ADAMTS13: variants seen among roughly 807,000 people sequenced by gnomAD.
ADAMTS13 encodes the protein A disintegrin and metalloproteinase with thrombospondin motifs 13.
A neutral mutation model predicts 155.1 loss-of-function variants in ADAMTS13; 110 were observed. The ratio of observed to expected loss-of-function variants is 0.71; its 90% CI spans 0.61 to 0.83. The LOEUF is 0.83. Ranked by LOEUF, ADAMTS13 falls within the 40% of genes least tolerant of loss-of-function variation. The probability of loss-of-function intolerance (pLI) is 0.00; values close to 1 mark genes in which losing one functional copy is unlikely to be tolerated. For synonymous variants in ADAMTS13, 758 were observed against 756.4 expected (o/e 1.00, Z -0.03); for missense variants, 1,707 against 1,891.7 (o/e 0.90, Z 1.81).
upstream of ADAMTS13, among the ~76,000 whole-genome samples, chr9:133,421,453 T>TA (rs587610698): frequency 7.2e-5 from 11 of 152,318 alleles, no homozygotes; most frequent in South Asian, 2.1e-3. Context: ...CCATAACACT[T>TA]ACCACCTTTG....
At chr9:133,428,053 C>T (rs1308347882) in intron 6 of ADAMTS13, among the ~76,000 whole-genome samples, 1 of 152,142 alleles carries the variant, frequency 6.6e-6, no homozygotes, top group Admixed American at 6.5e-5. Flanking sequence ...GTGGAGTCCA[C>T]CTCCTACCTC....
rs1554796661 is a variant in ADAMTS13, at chr9:133,458,052, C to T, written c.3867C>T (p.Asn1289=). 2.5e-6 allele frequency: 4 copies of T among 1,613,496 alleles called. No homozygotes were observed. Among genetic ancestry groups the T allele is most frequent in the Non-Finnish European group, 3.4e-6 (4 of 1,180,036 alleles). The change falls in exon 28 of 29, where the codon AAC becomes AAT. Residue 1289 remains asparagine, a synonymous_variant. Coordinates refer to ENST00000355699, the MANE Select transcript of ADAMTS13 (RefSeq NM_139027.6). ...TTGCCATCCATGCCCTGGCCACCAA[C>T]ATGGGCGCTGGGACCGAGGGAGCCA... ...ARIAIHALAT[N]MGAGTEGANA...
chr9:133,453,394 C>T (rs587755092), intron 23 of ADAMTS13, among the ~76,000 whole-genome samples: 5 of 152,264 alleles, frequency 3.3e-5, no homozygotes, highest in African/African-American at 1.2e-4. Context: ...TGAGATTGTG[C>T]TACTGCACTC....
chr9:133,444,168 C>G (rs965100550), intron 19 of ADAMTS13, among the ~76,000 whole-genome samples: 1 of 152,128 alleles, frequency 6.6e-6, no homozygotes, highest in Non-Finnish European at 1.5e-5. Flanking sequence ...CCTTCTCACA[C>G]AGCTCTCCAG....
intron 7 of ADAMTS13, 48 bp from the exon 8 acceptor site, chr9:133,429,891 G>C (rs1554786617): frequency 2.0e-6 from 3 of 1,533,676 alleles, no homozygotes; most frequent in Non-Finnish European, 2.6e-6. Context: ...GCCTCCTCCC[G>C]GTGTACACCC....
Position 133,428,634 on chromosome 9 carries a change from C to T in ADAMTS13, c.687C>T (p.Ser229=), listed in dbSNP as rs1554785856. Reference sequence around the variant, plus strand: ...GCGCAACTCCCCGCCCCCCGACCAGCTTCGGCCTGGAGCACGACGGCGCGC... The same window carrying T: ...GCGCAACTCCCCGCCCCCCGACCAGTTTCGGCCTGGAGCACGACGGCGCGC... The part of the protein sequence containing the change: ...GVTIAHEIGH[S]FGLEHDGAPG... Residue 229 remains serine (S), a splice_region_variant and synonymous_variant, in exon 7 of 29, where the codon AGC becomes AGT. Coordinates refer to ENST00000355699, the MANE Select transcript of ADAMTS13 (RefSeq NM_139027.6). 1 of 1,335,458 alleles carries T rather than the reference C, an allele frequency of 7.5e-7. No individual in the cohort carries two copies. The highest frequency in any genetic ancestry group is 9.6e-7 in the Non-Finnish European group (1 of 1,039,226). The allele number at this position is 1,335,458 out of a possible 1,614,324, so 82.7% of individuals were successfully genotyped here. A position where few individuals can be genotyped will look rare whatever the true frequency, so the allele number is the denominator to read the frequency against.
chr9:133,454,368 G>A, intron 23 of ADAMTS13, 47 bp from the exon 24 acceptor site: 1 of 1,606,592 alleles, frequency 6.2e-7, no homozygotes. Context: ...GGGCAGTACT[G>A]TCTCTGGGGA....
Position 133,445,085 on chromosome 9 carries a change from T to C in ADAMTS13, c.2610+33T>C, listed in dbSNP as rs782434796. 3.7e-6 allele frequency: 6 copies of C among 1,603,790 alleles called. No individual in the cohort carries two copies. In the South Asian group the frequency reaches 6.7e-5, roughly 18 times the overall value. On this transcript the variant is annotated intron_variant, in intron 20 of 28. Transcript: ENST00000355699. The surrounding 1 kb of genome is among the most constrained non-coding windows in gnomAD (Gnocchi z 5.0). Reference sequence around the variant, plus strand: ...CCCTGGGCATGAGGGTGGCTGGGGCTGTTGAGTCCTTTACCTGGCTGGGAG... The same window carrying C: ...CCCTGGGCATGAGGGTGGCTGGGGCCGTTGAGTCCTTTACCTGGCTGGGAG...
upstream of ADAMTS13, among the ~76,000 whole-genome samples, chr9:133,419,943 C>A (rs964074824): frequency 1.4e-5 from 2 of 142,656 alleles, no homozygotes; most frequent in African/African-American, 5.2e-5. Context: ...ATGCTCTTGT[C>A]GCCCAGGCTG....
Position 133,424,198 on chromosome 9 carries a change from G to T in ADAMTS13, c.173-123G>T. On this transcript the variant is annotated intron_variant, in intron 2 of 28. Coordinates refer to ENST00000355699, the MANE Select transcript of ADAMTS13 (RefSeq NM_139027.6). This position sits in a 1 kb window ranked among gnomAD's most constrained non-coding sequence, Gnocchi z 4.3. ...ATGGGGTCTGGCTCTTGGGGTGGGG[G>T]TGACACGCAATGTCTTGACTTCGGA... The T allele has an allele frequency of 6.8e-7, 1 of 1,474,214 alleles. No homozygotes were observed. Among genetic ancestry groups the T allele is most frequent in the Non-Finnish European group, 9.3e-7 (1 of 1,069,904 alleles). 91.3% of individuals were successfully genotyped at this position (1,474,214 alleles called of 1,614,324 possible).
In ADAMTS13 at chr9:133,455,293, T is replaced by C. The variant is rs200481038; in HGVS notation, c.3258T>C (p.Val1086=). ...CTCCCCTCTCTTGGCAGTGCTCTGTTTCCTGTGGGGATGGCATCCAGCGCC... is the reference window on the plus strand; with the variant it reads ...CTCCCCTCTCTTGGCAGTGCTCTGTCTCCTGTGGGGATGGCATCCAGCGCC... ...WHVGTWMECS[V]SCGDGIQRRR... The change falls in exon 25 of 29, where the codon GTT becomes GTC. Residue 1086 remains valine (V), a synonymous_variant. Coordinates refer to ENST00000355699, the MANE Select transcript of ADAMTS13 (RefSeq NM_139027.6). 1 of 1,602,452 alleles carries C rather than the reference T, an allele frequency of 6.2e-7. No individual in the cohort carries two copies.
In ADAMTS13 at chr9:133,424,456, A is replaced by G; in HGVS notation, c.308A>G (p.Tyr103Cys). Residue 103 changes from tyrosine (Y) to cysteine (C), a missense_variant, in exon 3 of 29, where the codon TAT becomes TGT. By Grantham distance (194) the Tyr-to-Cys change is radical. Around this residue, in one of 3 missense-constraint regions of ADAMTS13, gnomAD observed 733 missense variants for 749.6 expected, o/e 0.98. Transcript: ENST00000355699. The surrounding 1 kb of genome is among the most constrained non-coding windows in gnomAD (Gnocchi z 4.3). The stretch of plus-strand genomic sequence containing the variant: ...GCTCACCAGGAGGACACAGAGCGCT[A>G]TGTGCTCACCAACCTCAACATCGTG... Reference protein sequence around the residue: ...FQAHQEDTERYVLTNLNIGAE... With the variant: ...FQAHQEDTERCVLTNLNIGAE... The G allele has an allele frequency of 1.2e-6, 2 of 1,613,730 alleles. No homozygotes were observed. Among genetic ancestry groups the G allele is most frequent in the Non-Finnish European group, 1.7e-6 (2 of 1,179,890 alleles).
chr9:133,428,126 A>G (rs1840404187), intron 6 of ADAMTS13, among the ~76,000 whole-genome samples: 2 of 152,056 alleles, frequency 1.3e-5, no homozygotes, highest in African/African-American at 4.8e-5. Flanking sequence ...TGGGTAAAGC[A>G]AGCTCTGTTG....
chr9:133,444,772 G>C (rs1264743619), intron 19 of ADAMTS13, 91 bp from the exon 20 acceptor site: 1 of 1,368,736 alleles, frequency 7.3e-7, no homozygotes, highest in African/African-American at 1.4e-5. Flanking sequence ...TTGGGGAGCA[G>C]GTCCCCTTCC....
In ADAMTS13 at chr9:133,423,082, A is replaced by G; in HGVS notation, c.106-19A>G. The G allele has an allele frequency of 6.2e-7, 1 of 1,612,012 alleles. No individual in the cohort carries two copies. The highest frequency in any genetic ancestry group is 8.5e-7 in the Non-Finnish European group (1 of 1,179,114). ...AGAGCCACTATGCCCGGCCCCATCCATCTCTTTTTGTCTTGCAGAGTTGTC... is the reference window on the plus strand; with the variant it reads ...AGAGCCACTATGCCCGGCCCCATCCGTCTCTTTTTGTCTTGCAGAGTTGTC... On this transcript the variant is annotated intron_variant, in intron 1 of 28. Coordinates refer to ENST00000355699, the MANE Select transcript of ADAMTS13 (RefSeq NM_139027.6).
In ADAMTS13 at chr9:133,442,609, C is replaced by G; in HGVS notation, c.2105-5C>G. Reference sequence around the variant, plus strand: ...GGCGGCCTAGCCCTCCCTCTTCCCTCCCAGGGCTGCGCTGGGTAAACTACA... The same window carrying G: ...GGCGGCCTAGCCCTCCCTCTTCCCTGCCAGGGCTGCGCTGGGTAAACTACA... On this transcript the variant is annotated splice_polypyrimidine_tract_variant and splice_region_variant and intron_variant, in intron 17 of 28. Coordinates refer to ENST00000355699, the MANE Select transcript of ADAMTS13 (RefSeq NM_139027.6). 6.2e-7 allele frequency: 1 copy of G among 1,613,286 alleles called. No individual in the cohort carries two copies.
At chr9:133,428,611 G>A in intron 6 of ADAMTS13, 23 bp from the exon 7 acceptor site, 5 of 1,200,568 alleles carry the variant, frequency 4.2e-6, no homozygotes, top group Admixed American at 4.3e-5. Flanking sequence ...CCGCCTTAGC[G>A]CAACTCCCCG....
intron 9 of ADAMTS13, 59 bp downstream of exon 9, chr9:133,432,751 G>T: frequency 6.7e-7 from 1 of 1,493,162 alleles, no homozygotes; most frequent in South Asian, 1.2e-5. Context: ...GGTGCCTCCA[G>T]CCAGGCCGCC....
At position 133,440,319 on chromosome 9, in the gene ADAMTS13, G is replaced by C; in HGVS notation, c.1787-25G>C. 3 of 1,613,636 alleles carry C rather than the reference G, an allele frequency of 1.9e-6. No individual in the cohort carries two copies. The highest frequency in any genetic ancestry group is 4.5e-5 in the East Asian group (2 of 44,888). On this transcript the variant is annotated intron_variant, in intron 15 of 28. Coordinates refer to ENST00000355699, the MANE Select transcript of ADAMTS13 (RefSeq NM_139027.6). The surrounding 1 kb of genome is among the most constrained non-coding windows in gnomAD (Gnocchi z 4.3). ...GAGGATGGGTGCTCAGCTCCACACA[G>C]CTAACAGGGCTGGTTCCCCGACAGC...
Sources: gnomAD v4.1 joint callset for allele counts (sites outside exome capture counted in the v4.1 genomes callset) on GRCh38, gnomAD v4.1.1 for gene constraint, gnomAD v4.1.1 regional missense constraint, Gnocchi (gnomAD v3.1) non-coding constraint, MANE v1.5 for transcripts, NCBI Gene and HGNC (gene_info 2026-07-23, HGNC 2026-07-21) for gene names.